SMOX: variants seen among roughly 807,000 people sequenced by gnomAD.
The protein encoded by SMOX is spermine oxidase, also known as flavin containing amine oxidase.
In SMOX, 22 loss-of-function variants were observed where a neutral mutation model predicts 51.0. That is an observed-to-expected ratio of 0.43 (90% CI 0.31 to 0.62). The LOEUF (loss-of-function observed/expected upper bound fraction) is 0.62. Ranked by LOEUF, SMOX falls within the 20% of genes least tolerant of loss-of-function variation. SMOX has a pLI of 0.10. For missense variants in SMOX, 566 were observed against 777.7 expected (o/e 0.73, Z 3.24); for synonymous variants, 282 against 307.8 (o/e 0.92, Z 0.88).
Position 4,182,219 on chromosome 20 carries a change from C to T in SMOX, c.740C>T (p.Ala247Val), listed in dbSNP as rs767516409. Reference protein sequence around the residue: ...SGFMRVVELLAEGIPAHVIQL... With the variant: ...SGFMRVVELLVEGIPAHVIQL... ...TTCATGCGGGTTGTGGAGCTGCTGG[C>T]GGAGGGCATCCCTGCCCACGTCATC... The change falls in exon 5 of 7, where the codon GCG (alanine) becomes GTG (valine). Residue 247 changes from alanine (A) to valine (V), a missense_variant. Ala to Val is a moderately conservative substitution (Grantham distance 64). Coordinates refer to ENST00000305958, the MANE Select transcript of SMOX (RefSeq NM_175839.3). This position sits in a 1 kb window ranked among gnomAD's most constrained non-coding sequence, Gnocchi z 8.4. 3.0e-5 allele frequency: 48 copies of T among 1,613,456 alleles called. No individual in the cohort carries two copies. In the East Asian group the frequency reaches 3.8e-4, roughly 13 times the overall value.
In SMOX at chr20:4,182,056, G is replaced by A. The variant is rs200130978; in HGVS notation, c.610-33G>A. ...GCTCCTACCCCTGCCCAACCCCGGC[G>A]GTCACCTGGCTTCTCCTTGGGTCTT... is the stretch of plus-strand genomic sequence containing the variant. On this transcript the variant is annotated intron_variant, in intron 4 of 6. Transcript: ENST00000305958. The surrounding 1 kb of genome is among the most constrained non-coding windows in gnomAD (Gnocchi z 8.4). 1,827 of 1,585,340 alleles carry A rather than the reference G, an allele frequency of 1.2e-3. 5 individuals carry two copies. Among genetic ancestry groups the A allele is most frequent in the Non-Finnish European group, 1.5e-3 (1,732 of 1,163,920 alleles).
In SMOX at chr20:4,183,296, G is replaced by T; in HGVS notation, c.1370-198G>T. On this transcript the variant is annotated intron_variant, in intron 5 of 6. Coordinates refer to ENST00000305958, the MANE Select transcript of SMOX (RefSeq NM_175839.3). The surrounding 1 kb of genome is among the most constrained non-coding windows in gnomAD (Gnocchi z 4.3). The stretch of plus-strand genomic sequence containing the variant: ...AGTAAGGTGGAGCGTTTTGCCGGGG[G>T]TCACAGGAGGCGCTGAGTGGGTACA... 1 of 682,440 alleles carries T rather than the reference G, an allele frequency of 1.5e-6. No individual in the cohort carries two copies. Among genetic ancestry groups the T allele is most frequent in the South Asian group, 1.8e-5 (1 of 54,252 alleles). The allele number at this position is 682,440 out of a possible 1,614,324, so 42.3% of individuals were successfully genotyped here.
Position 4,183,518 on chromosome 20 carries a change from G to T in SMOX, c.1394G>T (p.Arg465Leu). The T allele has an allele frequency of 6.2e-7, 1 of 1,614,124 alleles. No individual in the cohort carries two copies. The highest frequency in any genetic ancestry group is 8.5e-7 in the Non-Finnish European group (1 of 1,180,024). Residue 465 changes from arginine (R) to leucine (L), a missense_variant, in exon 6 of 7, where the codon CGG becomes CTG. Around this residue, in one of 3 missense-constraint regions of SMOX, gnomAD observed 347 missense variants for 481.8 expected, o/e 0.72. Coordinates refer to ENST00000305958, the MANE Select transcript of SMOX (RefSeq NM_175839.3). This position sits in a 1 kb window ranked among gnomAD's most constrained non-coding sequence, Gnocchi z 4.3. ...FTGNPNIPKP[R>L]RILRSAWGSN... Reference sequence around the variant, plus strand: ...GGGAACCCCAACATTCCAAAACCTCGGCGAATCTTGCGCTCGGCCTGGGGC... The same window carrying T: ...GGGAACCCCAACATTCCAAAACCTCTGCGAATCTTGCGCTCGGCCTGGGGC...
rs2122519429 is a variant in SMOX at position 4,172,918 on chromosome 20, G to GA, written c.-26-2107dup. The stretch of plus-strand genomic sequence containing the variant: ...AGCTTCTCAGCCTAAGCGTATTTCG[G>GA]AAAAAGCCTCCTTTGTTCACCCATG... On this transcript the variant is annotated intron_variant, in intron 1 of 6. Transcript: ENST00000305958. This position sits in a 1 kb window ranked among gnomAD's most constrained non-coding sequence, Gnocchi z 7.7. Among the ~76,000 whole-genome samples the GA allele has an allele frequency of 6.6e-6, 1 of 152,276 alleles. No individual in the cohort carries two copies. The highest frequency in any genetic ancestry group is 2.1e-4 in the South Asian group (1 of 4,822).
rs762061401 is a variant in SMOX, at chr20:4,182,735, G to A, written c.1256G>A (p.Arg419His). 6 of 1,614,154 alleles carry A rather than the reference G, an allele frequency of 3.7e-6. No homozygotes were observed. Among genetic ancestry groups the A allele is most frequent in the Admixed American group, 1.7e-5 (1 of 60,022 alleles). Residue 419 changes from arginine (R) to histidine (H), a missense_variant, in exon 5 of 7, where the codon CGC (arginine) becomes CAC (histidine). Arg to His is a conservative substitution (Grantham distance 29). Around this residue, in one of 3 missense-constraint regions of SMOX, gnomAD observed 347 missense variants for 481.8 expected, o/e 0.72. Transcript: ENST00000305958. The surrounding 1 kb of genome is among the most constrained non-coding windows in gnomAD (Gnocchi z 8.4). ...CGFDVLYPPE[R>H]YGHVLSGWIC... Reference sequence around the variant, plus strand: ...TTTGATGTCCTCTACCCGCCTGAGCGCTACGGCCATGTGCTGAGCGGCTGG... The same window carrying A: ...TTTGATGTCCTCTACCCGCCTGAGCACTACGGCCATGTGCTGAGCGGCTGG...
chr20:4,179,278 C>G (rs774796206), intron 3 of SMOX, among the ~76,000 whole-genome samples: 1 of 152,138 alleles, frequency 6.6e-6, no homozygotes, highest in African/African-American at 2.4e-5. Context: ...ACTTTCGGGG[C>G]CCGTGGTTTG....
Position 4,166,852 on chromosome 20 carries a change from C to A in SMOX, c.-26-8178C>A, listed in dbSNP as rs184722521. Among the ~76,000 whole-genome samples the A allele has an allele frequency of 1.4e-4, 21 of 152,346 alleles. No homozygotes were observed. Among genetic ancestry groups the A allele is most frequent in the Admixed American group, 1.2e-3 (18 of 15,300 alleles). ...GGCCCCCTGGCTCCCTTCTTCTCAT[C>A]TGAAATTCGCTTACAAAGCCTTTTT... On this transcript the variant is annotated intron_variant, in intron 1 of 6. Coordinates refer to ENST00000305958, the MANE Select transcript of SMOX (RefSeq NM_175839.3). The surrounding 1 kb of genome is among the most constrained non-coding windows in gnomAD (Gnocchi z 4.2).
At chr20:4,168,883 C>T (rs142773565) in intron 1 of SMOX, among the ~76,000 whole-genome samples, 75 of 128,612 alleles carry the variant, frequency 5.8e-4, no homozygotes, top group Admixed American at 5.5e-4. Flanking sequence ...AATTAATGCT[C>T]TATTTTATTT....
In SMOX at chr20:4,149,821, C is replaced by T. The variant is rs534552219; in HGVS notation, c.-27+844C>T. Among the ~76,000 whole-genome samples, 7 of 152,262 alleles carry T rather than the reference C, an allele frequency of 4.6e-5. No homozygotes were observed. Among genetic ancestry groups the T allele is most frequent in the South Asian group, 2.1e-4 (1 of 4,824 alleles). ...AGAACCTGCTGTTGGTGGCACATCA[C>T]GTACCAGTCTGTGGGGGCAACTTGG... On this transcript the variant is annotated intron_variant, in intron 1 of 6. Transcript: ENST00000305958. This position sits in a 1 kb window ranked among gnomAD's most constrained non-coding sequence, Gnocchi z 6.0.
At position 4,167,606 on chromosome 20, in the gene SMOX, G is replaced by C. The variant is rs899111291; in HGVS notation, c.-26-7424G>C. On this transcript the variant is annotated intron_variant, in intron 1 of 6. Transcript: ENST00000305958. This position sits in a 1 kb window ranked among gnomAD's most constrained non-coding sequence, Gnocchi z 4.8. ...AGAGGTGTTGGCCAAGTGGGGCCTG[G>C]AGAAGGGAAGACACTGGCCCAGGGG... is the stretch of plus-strand genomic sequence containing the variant. Among the ~76,000 whole-genome samples, 13 of 152,124 alleles carry C rather than the reference G, an allele frequency of 8.5e-5. No individual in the cohort carries two copies. Among genetic ancestry groups the C allele is most frequent in the African/African-American group, 2.9e-4 (12 of 41,408 alleles).
chr20:4,156,357 G>A (rs150399554), intron 1 of SMOX, among the ~76,000 whole-genome samples: 10 of 152,290 alleles, frequency 6.6e-5, no homozygotes, highest in African/African-American at 2.4e-4. Context: ...GGTAGACTTG[G>A]TGGGATGGGC....
chr20:4,159,042 C>A (rs910143725), intron 1 of SMOX, among the ~76,000 whole-genome samples: 1 of 151,880 alleles, frequency 6.6e-6, no homozygotes, highest in Non-Finnish European at 1.5e-5. Flanking sequence ...ATACACAATG[C>A]AAAACCTTGA....
chr20:4,156,731 TG>T (rs1211159245), intron 1 of SMOX, among the ~76,000 whole-genome samples: 8 of 152,160 alleles, frequency 5.3e-5, no homozygotes, highest in Admixed American at 1.3e-4. Context: ...TAGCTGGGCC[TG>T]GGTCTTCTGG....
At position 4,182,233 on chromosome 20, in the gene SMOX, G is replaced by T. The variant is rs202222150; in HGVS notation, c.754G>T (p.Ala252Ser). The change falls in exon 5 of 7, where the codon GCC becomes TCC. Residue 252 changes from alanine (A) to serine (S), a missense_variant. Around this residue, in one of 3 missense-constraint regions of SMOX, gnomAD observed 347 missense variants for 481.8 expected, o/e 0.72. Transcript: ENST00000305958. This position sits in a 1 kb window ranked among gnomAD's most constrained non-coding sequence, Gnocchi z 8.4. ...VVELLAEGIP[A>S]HVIQLGKPVR... ...GGAGCTGCTGGCGGAGGGCATCCCTGCCCACGTCATCCAGCTAGGGAAACC... is the reference window on the plus strand; with the variant it reads ...GGAGCTGCTGGCGGAGGGCATCCCTTCCCACGTCATCCAGCTAGGGAAACC... 14 of 1,613,652 alleles carry T rather than the reference G, an allele frequency of 8.7e-6. No homozygotes were observed. The highest frequency in any genetic ancestry group is 8.0e-5 in the African/African-American group (6 of 75,036).
At chr20:4,151,255 C>T (rs1010309436) in intron 1 of SMOX, among the ~76,000 whole-genome samples, 8 of 151,442 alleles carry the variant, frequency 5.3e-5, no homozygotes, top group Non-Finnish European at 1.2e-4. Flanking sequence ...CTGTTAAGGC[C>T]CCAGGCTACC....
At chr20:4,165,644 G>C (rs1435976946) in intron 1 of SMOX, among the ~76,000 whole-genome samples, 1 of 152,156 alleles carries the variant, frequency 6.6e-6, no homozygotes, top group East Asian at 1.9e-4. Flanking sequence ...GACTTTGCTG[G>C]GGATACAGGA....
rs547593394 is a variant in SMOX, at chr20:4,157,812, C to T, written c.-27+8835C>T. On this transcript the variant is annotated intron_variant, in intron 1 of 6. Transcript: ENST00000305958. ...TCTCAGGGCAGTCAGTGAGGCTACCCTGCCTCGCCTCTGCCACACCTCCTT... is the reference window on the plus strand; with the variant it reads ...TCTCAGGGCAGTCAGTGAGGCTACCTTGCCTCGCCTCTGCCACACCTCCTT... Among the ~76,000 whole-genome samples the T allele has an allele frequency of 4.6e-5, 7 of 152,260 alleles. No homozygotes were observed. In the East Asian group the frequency reaches 1.4e-3, roughly 29 times the overall value.
chr20:4,159,430 A>G (rs546620638), intron 1 of SMOX, among the ~76,000 whole-genome samples: 1 of 152,306 alleles, frequency 6.6e-6, no homozygotes, highest in Non-Finnish European at 1.5e-5. Context: ...ATTAGATTTT[A>G]AAAAGAGCAA....
chr20:4,152,852 A>C (rs185494743), intron 1 of SMOX, among the ~76,000 whole-genome samples: 30 of 152,324 alleles, frequency 2.0e-4, no homozygotes, highest in Admixed American at 1.8e-3. Flanking sequence ...TGAGGATTGA[A>C]TCCAAACATT....
Sources: allele counts gnomAD v4.1 joint callset (sites outside exome capture counted in the v4.1 genomes callset), GRCh38; gene constraint gnomAD v4.1.1; regional missense constraint gnomAD v4.1.1; non-coding constraint Gnocchi (gnomAD v3.1); transcripts MANE v1.5; gene names NCBI Gene and HGNC (gene_info 2026-07-23, HGNC 2026-07-21).